Variants in COL26A1 observed in about 807,000 individuals in gnomAD.
The protein encoded by COL26A1 is collagen type XXVI alpha 1 chain, also known as collagen alpha-1(XXVI) chain.
A neutral mutation model predicts 59.3 loss-of-function variants in COL26A1; 41 were observed. The observed-to-expected ratio is 0.69, with a 90% CI of 0.54 to 0.90. COL26A1 has a LOEUF of 0.90. COL26A1 is among the 40% of genes least tolerant of loss of function. COL26A1 has a pLI of 0.00. For synonymous variants in COL26A1, 266 were observed against 256.0 expected, an observed-to-expected ratio of 1.04 and a Z score of -0.37; for missense variants, 612 against 602.3, an observed-to-expected ratio of 1.02 and a Z score of -0.17.
At position 101,445,201 on chromosome 7, in the gene COL26A1, C is replaced by T. The variant is rs185773355; in HGVS notation, c.282-2483C>T. Reference sequence around the variant, plus strand: ...TAAATTTATGGGTTACAAGTGCAACCGATATATTGCACAGTGGTGAAGTCA... The same window carrying T: ...TAAATTTATGGGTTACAAGTGCAACTGATATATTGCACAGTGGTGAAGTCA... On this transcript the variant is annotated intron_variant, in intron 2 of 12. Transcript: ENST00000313669. 4.2e-3 allele frequency among the ~76,000 whole-genome samples: 634 copies of T among 152,118 alleles called. 3 individuals are homozygous for T. Among genetic ancestry groups the T allele is most frequent in the African/African-American group, 0.014 (594 of 41,498 alleles).
intron 3 of COL26A1, 61 bp from the exon 4 acceptor site, chr7:101,533,021 T>A: frequency 1.5e-6 from 2 of 1,302,218 alleles, no homozygotes; most frequent in Admixed American, 2.0e-5. Flanking sequence ...TCCTGGTGAC[T>A]GGGCTGCTGT....
At chr7:101,543,964 C>T in intron 5 of COL26A1, 34 bp from the exon 6 acceptor site, 2 of 1,476,838 alleles carry the variant, frequency 1.4e-6, no homozygotes, top group Non-Finnish European at 1.8e-6. Context: ...GGGGGTCCAC[C>T]ATGTTCTGAT....
intron 3 of COL26A1, among the ~76,000 whole-genome samples, chr7:101,529,357 C>T (rs1307230014): frequency 6.6e-6 from 1 of 152,080 alleles, no homozygotes; most frequent in East Asian, 1.9e-4. Flanking sequence ...CAGCCTCTGC[C>T]TCCCGGGTTC....
intron 1 of COL26A1, among the ~76,000 whole-genome samples, chr7:101,387,035 G>C (rs370516484): frequency 6.6e-6 from 1 of 152,112 alleles, no homozygotes. Flanking sequence ...CAGGAAACGC[G>C]CCTGCTTTGC....
intron 5 of COL26A1, 121 bp downstream of exon 5, chr7:101,540,170 A>C: frequency 3.0e-6 from 3 of 1,015,578 alleles, no homozygotes; most frequent in Non-Finnish European, 4.1e-6. Context: ...GCCATGTGGC[A>C]TTTTGAAAAA....
chr7:101,497,771 A>G (rs960731629), intron 3 of COL26A1, among the ~76,000 whole-genome samples: 17 of 152,232 alleles, frequency 1.1e-4, no homozygotes, highest in Non-Finnish European at 2.4e-4. Flanking sequence ...ACTTGAGCCA[A>G]GAAGTTCAAG....
Position 101,540,065 on chromosome 7 carries a change from A to C in COL26A1, c.604+16A>C, listed in dbSNP as rs1317385446. 1 of 1,607,426 alleles carries C rather than the reference A, an allele frequency of 6.2e-7. No homozygotes were observed. Among genetic ancestry groups the C allele is most frequent in the Non-Finnish European group, 8.5e-7 (1 of 1,177,498 alleles). ...GGCCCAGCCGGTGAGTGAGGGCTGC[A>C]GAGAGGACAGGCTGGGGCAGCCGAA... On this transcript the variant is annotated intron_variant, in intron 5 of 12. Transcript: ENST00000313669.
chr7:101,517,329 G>A (rs35101166), intron 3 of COL26A1, among the ~76,000 whole-genome samples: 28,762 of 152,044 alleles, frequency 0.19, 3,161 homozygotes, highest in African/African-American at 0.3. Context: ...GTATTGGTCC[G>A]TTTTCACGTT....
intron 1 of COL26A1, among the ~76,000 whole-genome samples, chr7:101,389,697 G>T (rs1584364076): frequency 6.6e-6 from 1 of 152,138 alleles, no homozygotes; most frequent in African/African-American, 2.4e-5. Context: ...CTGATTACAG[G>T]CATGCGCCAC....
intron 3 of COL26A1, among the ~76,000 whole-genome samples, chr7:101,467,308 A>G (rs1793785946): frequency 6.7e-6 from 1 of 148,804 alleles, no homozygotes; most frequent in African/African-American, 2.5e-5. Context: ...CCTCCTGCAG[A>G]TAGAGAGGGG....
At position 101,400,351 on chromosome 7, in the gene COL26A1, CTA is replaced by C. The variant is rs1491074422; in HGVS notation, c.159-19624_159-19623del. 8.3e-4 allele frequency among the ~76,000 whole-genome samples: 102 copies of C among 123,388 alleles called. 9 individuals carry two copies. The highest frequency in any genetic ancestry group is 2.7e-3 in the African/African-American group (88 of 32,350). The allele number at this position is 123,388 out of a possible 152,430, so 80.9% of individuals were successfully genotyped here. ...GTCCACACTGCCTTTCTTTTTTTTCCTATTTTTTTTTTTTTTTTTTTTTTTTT... is the reference window on the plus strand; with the variant it reads ...GTCCACACTGCCTTTCTTTTTTTTCCTTTTTTTTTTTTTTTTTTTTTTTTT... On this transcript the variant is annotated intron_variant, in intron 1 of 12. Coordinates refer to ENST00000313669, the MANE Select transcript of COL26A1 (RefSeq NM_001278563.3).
intron 3 of COL26A1, among the ~76,000 whole-genome samples, chr7:101,531,845 C>T (rs1455491358): frequency 1.3e-5 from 2 of 151,954 alleles, no homozygotes; most frequent in Non-Finnish European, 2.9e-5. Flanking sequence ...GGGATAGCTC[C>T]AAGAACAAGG....
chr7:101,406,176 T>C (rs770275974), intron 1 of COL26A1, among the ~76,000 whole-genome samples: 97 of 152,200 alleles, frequency 6.4e-4, no homozygotes, highest in Non-Finnish European at 1.1e-3. Flanking sequence ...CAGATCATCT[T>C]TTCCCTCCAA....
intron 2 of COL26A1, 98 bp from the exon 3 acceptor site, chr7:101,447,586 C>A: frequency 1.2e-6 from 1 of 820,396 alleles, no homozygotes; most frequent in Non-Finnish European, 2.0e-6. Flanking sequence ...CTCCCGGAGC[C>A]CTGGCTGGGC....
intron 3 of COL26A1, among the ~76,000 whole-genome samples, chr7:101,518,812 G>A (rs1032022575): frequency 7.9e-5 from 12 of 152,162 alleles, no homozygotes; most frequent in African/African-American, 2.6e-4. Flanking sequence ...TGAAATCCCC[G>A]TCAAGTCCTG....
intron 11 of COL26A1, among the ~76,000 whole-genome samples, chr7:101,555,272 G>C (rs1407846673): frequency 6.6e-6 from 1 of 152,142 alleles, no homozygotes; most frequent in Non-Finnish European, 1.5e-5. Context: ...CTTTGAAATG[G>C]TGGCTTTCTC....
chr7:101,514,528 G>T (rs1794989001), intron 3 of COL26A1, among the ~76,000 whole-genome samples: 1 of 152,096 alleles, frequency 6.6e-6, no homozygotes, highest in Non-Finnish European at 1.5e-5. Flanking sequence ...TATTAGGGAG[G>T]TTTATTCCTT....
At chr7:101,445,121 G>A (rs1793156040) in intron 2 of COL26A1, among the ~76,000 whole-genome samples, 1 of 152,016 alleles carries the variant, frequency 6.6e-6, no homozygotes, top group South Asian at 2.1e-4. Context: ...GATTACAGGC[G>A]TGAGCCACCA....
chr7:101,472,512 G>A (rs1474868732), intron 3 of COL26A1, among the ~76,000 whole-genome samples: 1 of 152,126 alleles, frequency 6.6e-6, no homozygotes, highest in Non-Finnish European at 1.5e-5. Flanking sequence ...AGTCACTCTG[G>A]TTGAGACTCC....
Sources: allele counts gnomAD v4.1 joint callset (sites outside exome capture counted in the v4.1 genomes callset), GRCh38; gene constraint gnomAD v4.1.1; transcripts MANE v1.5; gene names NCBI Gene and HGNC (gene_info 2026-07-23, HGNC 2026-07-21).